The following CA10 variants were observed in gnomAD, a reference collection of about 807,000 sequenced individuals.
CA10 encodes the protein carbonic anhydrase-related protein 10.
A neutral mutation model predicts 44.2 loss-of-function variants in CA10; 14 were observed. The ratio of observed to expected loss-of-function variants is 0.32; its 90% CI spans 0.21 to 0.50. CA10 has a LOEUF of 0.50. Ranked by LOEUF, CA10 falls within the 20% of genes least tolerant of loss-of-function variation. The pLI is 0.99. For missense variants in CA10, 350 were observed against 409.7 expected (o/e 0.85, Z 1.26); for synonymous variants, 159 against 141.6 (o/e 1.12, Z -0.87).
chr17:51,885,121 G>T (rs57024304), intron 3 of CA10, among the ~76,000 whole-genome samples: 10,053 of 152,206 alleles, frequency 0.066, 652 homozygotes, highest in African/African-American at 0.17. Flanking sequence ...AGCACCATAT[G>T]ACATACAACA....
chr17:51,677,879 G>C (rs1040591707), intron 4 of CA10, among the ~76,000 whole-genome samples: 3 of 78,436 alleles, frequency 3.8e-5, no homozygotes, highest in African/African-American at 7.7e-5. Context: ...CCACTCCTAG[G>C]TATACACCCC....
chr17:52,017,669 T>C (rs973226247), intron 2 of CA10, among the ~76,000 whole-genome samples: 4 of 152,014 alleles, frequency 2.6e-5, no homozygotes, highest in Non-Finnish European at 4.4e-5. Context: ...GGTGTAAAAA[T>C]CTGGAAAATT....
chr17:52,043,995 G>A (rs1986839544), intron 2 of CA10, among the ~76,000 whole-genome samples: 1 of 151,972 alleles, frequency 6.6e-6, no homozygotes. Flanking sequence ...TGTTCAGCAG[G>A]GATGTTGGCC....
rs374447939 is a variant in CA10, at chr17:52,017,039, C to T, written c.136+55280G>A. Among the ~76,000 whole-genome samples, 23 of 152,266 alleles carry T rather than the reference C, an allele frequency of 1.5e-4. No homozygotes were observed. In the East Asian group the frequency reaches 2.5e-3, roughly 17 times the overall value. The stretch of plus-strand genomic sequence containing the variant: ...ATGATTGGAAGATTCTTGAGGCTCT[C>T]GCTAGAAGCAGATGCTGGTGAGATG... On this transcript the variant is annotated intron_variant, in intron 2 of 8. Transcript: ENST00000451037.
chr17:51,686,610 G>A (rs1182436224), intron 4 of CA10, among the ~76,000 whole-genome samples: 2 of 152,050 alleles, frequency 1.3e-5, no homozygotes, highest in Non-Finnish European at 2.9e-5. Context: ...CTAGGAGTGG[G>A]CCCAGGCATT....
intron 4 of CA10, among the ~76,000 whole-genome samples, chr17:51,704,860 G>T (rs1352320244): frequency 1.3e-5 from 2 of 152,048 alleles, no homozygotes; most frequent in Non-Finnish European, 2.9e-5. Flanking sequence ...CTATCAGGGA[G>T]GCTGAGGCAG....
chr17:52,143,783 C>A (rs937449172), intron 1 of CA10, among the ~76,000 whole-genome samples: 1 of 152,112 alleles, frequency 6.6e-6, no homozygotes, highest in African/African-American at 2.4e-5. Context: ...CAGTTGTAAT[C>A]CAGCCTCTAC....
chr17:51,703,519 A>T (rs1370286728), intron 4 of CA10, among the ~76,000 whole-genome samples: 1 of 151,878 alleles, frequency 6.6e-6, no homozygotes, highest in Non-Finnish European at 1.5e-5. Context: ...ACCCATCCAT[A>T]TTGTTTTGAG....
intron 3 of CA10, among the ~76,000 whole-genome samples, chr17:51,880,085 C>T (rs1338690466): frequency 6.6e-6 from 1 of 152,114 alleles, no homozygotes. Context: ...TACTCCAGGC[C>T]ACTAACCACC....
intron 2 of CA10, among the ~76,000 whole-genome samples, chr17:51,949,627 T>C (rs1330349182): frequency 6.6e-6 from 1 of 152,138 alleles, no homozygotes; most frequent in African/African-American, 2.4e-5. Flanking sequence ...TCATTTAGCG[T>C]GTAAGCCAAC....
At chr17:51,689,542 T>C (rs1915117561) in intron 4 of CA10, among the ~76,000 whole-genome samples, 1 of 152,352 alleles carries the variant, frequency 6.6e-6, no homozygotes, top group African/African-American at 2.4e-5. Context: ...TAATTTGAAA[T>C]AATAATGGGG....
chr17:51,930,960 C>T (rs371674596), intron 3 of CA10, 30 bp downstream of exon 3: 131 of 1,610,938 alleles, frequency 8.1e-5, no homozygotes, highest in Non-Finnish European at 1.1e-4. Context: ...CCATCTTCAA[C>T]TTTACCATGG....
intron 4 of CA10, among the ~76,000 whole-genome samples, chr17:51,682,079 C>G (rs1003754690): frequency 6.6e-6 from 1 of 152,198 alleles, no homozygotes; most frequent in Non-Finnish European, 1.5e-5. Flanking sequence ...GCACTGCATT[C>G]GATCCTGGGG....
intron 2 of CA10, among the ~76,000 whole-genome samples, chr17:52,058,152 C>A (rs11867634): frequency 0.059 from 8,948 of 152,168 alleles, 260 homozygotes; most frequent in South Asian, 0.12. Flanking sequence ...GTAGTTGGCA[C>A]ATACTGAAAA....
intron 2 of CA10, among the ~76,000 whole-genome samples, chr17:52,039,211 T>G (rs1375369248): frequency 1.3e-5 from 2 of 152,146 alleles, no homozygotes; most frequent in Non-Finnish European, 2.9e-5. Flanking sequence ...CAAATTTCTC[T>G]CTGAGTATTA....
chr17:52,115,271 C>CTT (rs1988868789), intron 1 of CA10, among the ~76,000 whole-genome samples: 1 of 152,212 alleles, frequency 6.6e-6, no homozygotes, highest in African/African-American at 2.4e-5. Context: ...TTCAATGTGT[C>CTT]TGTGTGCCTA....
intron 3 of CA10, among the ~76,000 whole-genome samples, chr17:51,874,572 A>G (rs1036247176): frequency 3.3e-5 from 5 of 152,144 alleles, no homozygotes; most frequent in Admixed American, 2.6e-4. Context: ...CATATGAGAG[A>G]GCACCAGGTG....
chr17:51,660,594 G>A (rs1913967688), intron 4 of CA10, among the ~76,000 whole-genome samples: 2 of 152,182 alleles, frequency 1.3e-5, no homozygotes, highest in Admixed American at 6.5e-5. Flanking sequence ...TGCCTCAGGA[G>A]GGCAACAGGC....
At chr17:51,960,512 C>A (rs1983848309) in intron 2 of CA10, among the ~76,000 whole-genome samples, 1 of 151,958 alleles carries the variant, frequency 6.6e-6, no homozygotes, top group Non-Finnish European at 1.5e-5. Flanking sequence ...GTAAAACAAA[C>A]ACTTTACATA....
Sources: allele counts gnomAD v4.1 joint callset (sites outside exome capture counted in the v4.1 genomes callset), GRCh38; gene constraint gnomAD v4.1.1; transcripts MANE v1.5; gene names NCBI Gene and HGNC (gene_info 2026-07-23, HGNC 2026-07-21).